The following NPAS3 variants were observed in gnomAD, a reference collection of about 807,000 sequenced individuals.
NPAS3 encodes neuronal PAS domain-containing protein 3.
A neutral mutation model predicts 73.1 loss-of-function variants in NPAS3; 14 were observed. The observed-to-expected ratio is 0.19, with a 90% CI of 0.13 to 0.30. The LOEUF (loss-of-function observed/expected upper bound fraction) is 0.30. Among genes scored for constraint, NPAS3 ranks in the 10% least tolerant of loss-of-function variants. The pLI is 1.00. For missense variants in NPAS3, 1,096 were observed against 1,250.0 expected, an observed-to-expected ratio of 0.88 and a Z score of 1.86; for synonymous variants, 620 against 541.5, an observed-to-expected ratio of 1.14 and a Z score of -2.01.
chr14:33,638,894 C>T (rs2058600310), intron 5 of NPAS3, among the ~76,000 whole-genome samples: 1 of 152,192 alleles, frequency 6.6e-6, no homozygotes, highest in Non-Finnish European at 1.5e-5. Context: ...AATACAATGA[C>T]TTCTAGTATT....
intron 4 of NPAS3, among the ~76,000 whole-genome samples, chr14:33,498,687 T>C (rs1566952215): frequency 1.5e-5 from 2 of 135,358 alleles, no homozygotes; most frequent in African/African-American, 6.2e-5. Context: ...TGTGGCCTGT[T>C]GGGGGATGGG....
chr14:33,778,580 C>T lies in NPAS3; in HGVS notation c.1153+8C>T, dbSNP rs764188832. On this transcript the variant is annotated splice_region_variant and intron_variant, in intron 9 of 11. Transcript: ENST00000356141. ...GGCACAGTCACTTGGACTGTAAGTA[C>T]CTCCTGTGTGGGGGAATAACCCCGG... 1.3e-6 allele frequency: 2 copies of T among 1,588,726 alleles called. No homozygotes were observed. Among genetic ancestry groups the T allele is most frequent in the Admixed American group, 1.7e-5 (1 of 59,954 alleles).
At chr14:33,794,136 A>G (rs2063445034) in intron 10 of NPAS3, 92 bp downstream of exon 10, 1 of 1,163,414 alleles carries the variant, frequency 8.6e-7, no homozygotes, top group East Asian at 2.4e-5. Context: ...TGTTGTGAAT[A>G]TTATCTTTTG....
At chr14:33,466,473 A>G (rs2050530373) in intron 4 of NPAS3, among the ~76,000 whole-genome samples, 1 of 152,220 alleles carries the variant, frequency 6.6e-6, no homozygotes, top group Admixed American at 6.5e-5. Context: ...TTCATCTAGC[A>G]ATTGTATGCC....
At chr14:33,782,173 C>T (rs534798989) in intron 9 of NPAS3, among the ~76,000 whole-genome samples, 27 of 152,328 alleles carry the variant, frequency 1.8e-4, no homozygotes, top group Admixed American at 3.3e-4. Context: ...GTCAAATCAA[C>T]ATTTAAAGGT....
At chr14:33,221,849 A>G (rs369393382) in intron 3 of NPAS3, among the ~76,000 whole-genome samples, 84 of 152,198 alleles carry the variant, frequency 5.5e-4, no homozygotes, top group Non-Finnish European at 1.0e-3. Flanking sequence ...TGTAGGGGTA[A>G]AAGTGTAATA....
chr14:32,944,878 A>G lies in NPAS3; in HGVS notation c.50+5512A>G, dbSNP rs1391251053. ...ATACTGTGGTCTTGTATGTGAAATC[A>G]GGGGAAGCAAGATGAAGATCTTATG... is the stretch of plus-strand genomic sequence containing the variant. On this transcript the variant is annotated intron_variant, in intron 1 of 11. Transcript: ENST00000356141. Among the ~76,000 whole-genome samples the G allele has an allele frequency of 2.6e-5, 4 of 152,218 alleles. No homozygotes were observed. In the East Asian group the frequency reaches 5.8e-4, roughly 22 times the overall value.
chr14:33,536,830 AAACATAGGTCC>A (rs1187086195), intron 4 of NPAS3, among the ~76,000 whole-genome samples: 1 of 152,162 alleles, frequency 6.6e-6, no homozygotes, highest in Non-Finnish European at 1.5e-5. Context: ...ATTCCAACTA[AAACATAGGTCC>A]AAAGGTTTGA....
At chr14:33,488,272 A>C (rs1201701727) in intron 4 of NPAS3, among the ~76,000 whole-genome samples, 1 of 152,068 alleles carries the variant, frequency 6.6e-6, no homozygotes, top group East Asian at 1.9e-4. Flanking sequence ...GTGTGACTAC[A>C]GTTTAGTGAA....
intron 6 of NPAS3, among the ~76,000 whole-genome samples, chr14:33,708,075 A>AAGCAGC (rs201354138): frequency 2.6e-4 from 39 of 151,816 alleles, no homozygotes; most frequent in Admixed American, 1.1e-3. Flanking sequence ...AAACACAAAA[A>AAGCAGC]AGCAGCAGCA....
intron 4 of NPAS3, among the ~76,000 whole-genome samples, chr14:33,426,328 GGGAGGTGTGGTGGA>G (rs926487936): frequency 6.2e-4 from 94 of 152,064 alleles, no homozygotes; most frequent in Non-Finnish European, 7.4e-5. Context: ...CTGGCAGGGA[GGGAGGTGTGGTGGA>G]GGTAAGAGCT....
At chr14:32,999,058 T>C (rs2038697710) in intron 1 of NPAS3, among the ~76,000 whole-genome samples, 1 of 152,228 alleles carries the variant, frequency 6.6e-6, no homozygotes, top group Non-Finnish European at 1.5e-5. Flanking sequence ...TAGTGGGTAC[T>C]CAAAATTTGC....
chr14:32,935,065 CT>C, upstream of NPAS3: 1 of 1,025,164 alleles, frequency 9.8e-7, no homozygotes, highest in East Asian at 3.8e-5. Flanking sequence ...GTGGGACTCA[CT>C]TTGCCTCCTG....
At chr14:33,676,517 C>T in intron 6 of NPAS3, 132 bp downstream of exon 6, 1 of 580,036 alleles carries the variant, frequency 1.7e-6, no homozygotes, top group Non-Finnish European at 2.8e-6. Flanking sequence ...CTTCCAGTCC[C>T]ATGCAGTAAT....
chr14:33,441,195 G>A (rs1037922700), intron 4 of NPAS3, among the ~76,000 whole-genome samples: 1 of 152,122 alleles, frequency 6.6e-6, no homozygotes, highest in Non-Finnish European at 1.5e-5. Flanking sequence ...AATTTCTTAT[G>A]AGAGAATTTT....
At chr14:33,559,219 A>G (rs561789630) in intron 4 of NPAS3, among the ~76,000 whole-genome samples, 2 of 152,306 alleles carry the variant, frequency 1.3e-5, no homozygotes, top group Non-Finnish European at 2.9e-5. Flanking sequence ...AACTGTCACT[A>G]TAAAACTTTA....
intron 6 of NPAS3, among the ~76,000 whole-genome samples, chr14:33,734,191 T>C (rs1366322771): frequency 1.3e-5 from 2 of 152,188 alleles, no homozygotes; most frequent in Non-Finnish European, 2.9e-5. Context: ...ATCCTGTTTC[T>C]TGGACAATTT....
At chr14:33,371,117 G>C (rs1229895261) in intron 4 of NPAS3, among the ~76,000 whole-genome samples, 1 of 152,140 alleles carries the variant, frequency 6.6e-6, no homozygotes, top group African/African-American at 2.4e-5. Flanking sequence ...GTAAACATGA[G>C]AAAGGAATGG....
At chr14:33,739,002 C>T (rs1295872403) in intron 7 of NPAS3, among the ~76,000 whole-genome samples, 1 of 152,170 alleles carries the variant, frequency 6.6e-6, no homozygotes, top group Non-Finnish European at 1.5e-5. Context: ...TTTCAGTTTT[C>T]TGATCTCTTC....
Sources: gnomAD v4.1 joint callset for allele counts (sites outside exome capture counted in the v4.1 genomes callset) on GRCh38, gnomAD v4.1.1 for gene constraint, MANE v1.5 for transcripts, NCBI Gene and HGNC (gene_info 2026-07-23, HGNC 2026-07-21) for gene names.